NRXN3: variants seen among roughly 807,000 people sequenced by gnomAD.
NRXN3 encodes the protein neurexin 3, also known as neurexin III.
In NRXN3, 32 loss-of-function variants were observed where a neutral mutation model predicts 137.6. The ratio of observed to expected loss-of-function variants is 0.23; its 90% CI spans 0.18 to 0.31. The LOEUF is 0.31. Ranked by LOEUF, NRXN3 falls within the 10% of genes least tolerant of loss-of-function variation. The probability of loss-of-function intolerance (pLI) is 1.00; values close to 1 mark genes in which losing one functional copy is unlikely to be tolerated. For synonymous variants in NRXN3, 798 were observed against 784.5 expected (o/e 1.02, Z -0.29); for missense variants, 1,574 against 2,062.5 (o/e 0.76, Z 4.59).
At chr14:78,900,390 T>C (rs538952475) in intron 10 of NRXN3, among the ~76,000 whole-genome samples, 16 of 151,944 alleles carry the variant, frequency 1.1e-4, no homozygotes, top group African/African-American at 3.6e-4. Flanking sequence ...CTGTTTCTCA[T>C]TTGTGGAGAG....
chr14:79,085,754 A>G (rs1368883006), intron 15 of NRXN3, among the ~76,000 whole-genome samples: 3 of 152,218 alleles, frequency 2.0e-5, no homozygotes, highest in Non-Finnish European at 4.4e-5. Context: ...GTCTGAATGC[A>G]AGACTATTGA....
At chr14:79,755,978 A>C (rs2099018112) in intron 19 of NRXN3, among the ~76,000 whole-genome samples, 2 of 152,152 alleles carry the variant, frequency 1.3e-5, no homozygotes, top group Admixed American at 1.3e-4. Flanking sequence ...TTGAAAAGTA[A>C]GTAATTTTCA....
At chr14:79,534,902 A>G (rs1364274008) in intron 16 of NRXN3, among the ~76,000 whole-genome samples, 2 of 152,200 alleles carry the variant, frequency 1.3e-5, no homozygotes, top group African/African-American at 4.8e-5. Context: ...GCGTCACACC[A>G]TGAATTTTCC....
chr14:79,841,799 G>A (rs887530310), intron 20 of NRXN3, among the ~76,000 whole-genome samples: 2 of 152,222 alleles, frequency 1.3e-5, no homozygotes, highest in Non-Finnish European at 1.5e-5. Context: ...AAGTGAGAAC[G>A]AGTCAGATAG....
At chr14:79,394,490 T>C (rs2094955369) in intron 15 of NRXN3, among the ~76,000 whole-genome samples, 1 of 152,222 alleles carries the variant, frequency 6.6e-6, no homozygotes, top group African/African-American at 2.4e-5. Context: ...AGTCTCAAGA[T>C]AACATTTGTT....
chr14:79,593,721 C>T (rs946947857), intron 16 of NRXN3, among the ~76,000 whole-genome samples: 1 of 151,616 alleles, frequency 6.6e-6, no homozygotes, highest in Non-Finnish European at 1.5e-5. Flanking sequence ...TTGATTGATC[C>T]ACTGCCACTC....
intron 15 of NRXN3, among the ~76,000 whole-genome samples, chr14:79,290,560 C>T (rs1178716483): frequency 6.7e-6 from 1 of 149,868 alleles, no homozygotes; most frequent in Non-Finnish European, 1.5e-5. Flanking sequence ...GAAGAACATG[C>T]AAGACCTGAA....
chr14:78,960,345 A>G (rs111880702), intron 11 of NRXN3, among the ~76,000 whole-genome samples: 3 of 152,318 alleles, frequency 2.0e-5, no homozygotes, highest in African/African-American at 7.2e-5. Context: ...AGGCAATGAA[A>G]CTAAAATACC....
intron 4 of NRXN3, among the ~76,000 whole-genome samples, chr14:78,594,440 G>GAGGGC (rs1366722413): frequency 6.6e-6 from 1 of 152,208 alleles, no homozygotes; most frequent in African/African-American, 2.4e-5. Context: ...TCTTAGTGGG[G>GAGGGC]AGGGCAAAGA....
At chr14:79,160,540 A>G (rs529149378) in intron 15 of NRXN3, among the ~76,000 whole-genome samples, 1 of 151,936 alleles carries the variant, frequency 6.6e-6, no homozygotes, top group East Asian at 1.9e-4. Context: ...TCCCTCCTTT[A>G]CTGAATGGAT....
At chr14:79,297,585 A>T (rs2153471435) in intron 15 of NRXN3, among the ~76,000 whole-genome samples, 1 of 152,286 alleles carries the variant, frequency 6.6e-6, no homozygotes, top group African/African-American at 2.4e-5. Flanking sequence ...TTTAAAAAAT[A>T]TTCTGGCAGC....
chr14:78,268,757 A>G (rs958109340), intron 2 of NRXN3, among the ~76,000 whole-genome samples: 1 of 152,194 alleles, frequency 6.6e-6, no homozygotes, highest in Non-Finnish European at 1.5e-5. Context: ...AACAGTATCT[A>G]CATCAGTAGG....
chr14:79,668,082 C>G (rs2098577956), intron 17 of NRXN3, among the ~76,000 whole-genome samples: 1 of 152,014 alleles, frequency 6.6e-6, no homozygotes. Context: ...AAGTGCTCTT[C>G]ACAGAATTCC....
intron 19 of NRXN3, among the ~76,000 whole-genome samples, chr14:79,802,702 C>G (rs189937780): frequency 2.2e-4 from 34 of 152,230 alleles, no homozygotes; most frequent in Admixed American, 2.2e-3. Context: ...GCTCCTTTCC[C>G]TAAGTAACTA....
chr14:78,243,385 G>T lies in NRXN3; in HGVS notation c.292G>T (p.Val98Leu), dbSNP rs1013716537. Residue 98 changes from valine (V) to leucine (L), a missense_variant, in exon 2 of 21, where the codon GTG becomes TTG. Val to Leu is a conservative substitution (Grantham distance 32, BLOSUM62 1). Transcript: ENST00000335750. This position sits in a 1 kb window ranked among gnomAD's most constrained non-coding sequence, Gnocchi z 4.2. ...RFSMDCAETA[V>L]LSNKQVNDSS... ...CAGCATGGACTGTGCCGAGACTGCC[G>T]TGCTGTCCAACAAGCAGGTGAATGA... The T allele has an allele frequency of 1.3e-6, 2 of 1,565,556 alleles. No individual in the cohort carries two copies. The highest frequency in any genetic ancestry group is 1.2e-5 in the South Asian group (1 of 86,472).
intron 4 of NRXN3, among the ~76,000 whole-genome samples, chr14:78,516,044 T>G (rs1331544671): frequency 6.6e-6 from 1 of 152,108 alleles, no homozygotes; most frequent in African/African-American, 2.4e-5. Context: ...GCACAGTACC[T>G]GGCACTTAGT....
intron 4 of NRXN3, among the ~76,000 whole-genome samples, chr14:78,332,674 C>A (rs979471176): frequency 6.6e-6 from 1 of 152,132 alleles, no homozygotes; most frequent in Non-Finnish European, 1.5e-5. Flanking sequence ...CTGATAAAGG[C>A]TTTAAGTGTC....
chr14:79,726,966 A>G (rs1326374585), intron 19 of NRXN3, among the ~76,000 whole-genome samples: 1 of 152,130 alleles, frequency 6.6e-6, no homozygotes, highest in African/African-American at 2.4e-5. Flanking sequence ...AAGTTTGTGT[A>G]TTTACACTGT....
chr14:78,661,726 A>C (rs1052176991), intron 6 of NRXN3, among the ~76,000 whole-genome samples: 1 of 152,268 alleles, frequency 6.6e-6, no homozygotes, highest in Non-Finnish European at 1.5e-5. Context: ...CTCTACTCCC[A>C]GTAGCTGTAT....
Sources: gnomAD v4.1 joint callset for allele counts (sites outside exome capture counted in the v4.1 genomes callset) on GRCh38, gnomAD v4.1.1 for gene constraint, Gnocchi (gnomAD v3.1) non-coding constraint, MANE v1.5 for transcripts, NCBI Gene and HGNC (gene_info 2026-07-23, HGNC 2026-07-21) for gene names.